The following GPC5 variants were observed in gnomAD, a reference collection of about 807,000 sequenced individuals.
The protein encoded by GPC5 is glypican-5.
In GPC5, 47 loss-of-function variants were observed where a neutral mutation model predicts 53.9. That is an observed-to-expected ratio of 0.87 (90% confidence interval 0.69 to 1.11). The LOEUF (loss-of-function observed/expected upper bound fraction) is 1.11. GPC5 is among the 50% of genes most tolerant of loss of function. The pLI is 0.00. For synonymous variants in GPC5, 286 were observed against 263.3 expected (o/e 1.09, Z -0.84); for missense variants, 748 against 713.1 (o/e 1.05, Z -0.56).
rs1201094056 is a variant in GPC5 at position 91,908,064 on chromosome 13, C to T, written c.1401+7C>T. ...ACTGAAGCATGTTGTTCAGGTAAGTCCTGATCCTATATTTATTAGTATACT... is the reference window on the plus strand; with the variant it reads ...ACTGAAGCATGTTGTTCAGGTAAGTTCTGATCCTATATTTATTAGTATACT... On this transcript the variant is annotated splice_region_variant and intron_variant, in intron 6 of 7. Coordinates refer to ENST00000377067, the MANE Select transcript of GPC5 (RefSeq NM_004466.6). The T allele has an allele frequency of 6.5e-7, 1 of 1,529,796 alleles. No individual in the cohort carries two copies. The highest frequency in any genetic ancestry group is 1.2e-5 in the South Asian group (1 of 80,996). The allele number at this position is 1,529,796 out of a possible 1,614,324, so 94.8% of individuals were successfully genotyped here. A position where few individuals can be genotyped will look rare whatever the true frequency, so the allele number is the denominator to read the frequency against.
chr13:91,419,688 T>G (rs1878472335), intron 1 of GPC5, among the ~76,000 whole-genome samples: 2 of 152,208 alleles, frequency 1.3e-5, no homozygotes, highest in Non-Finnish European at 2.9e-5. Context: ...ACTATTTCTA[T>G]GCAGTGAGAA....
chr13:92,463,112 T>C (rs1436338016), intron 7 of GPC5, among the ~76,000 whole-genome samples: 1 of 152,154 alleles, frequency 6.6e-6, no homozygotes, highest in African/African-American at 2.4e-5. Flanking sequence ...AGGATAGGGC[T>C]TCACCAGAAC....
intron 7 of GPC5, among the ~76,000 whole-genome samples, chr13:92,835,640 T>C (rs1878195584): frequency 1.3e-5 from 2 of 152,160 alleles, no homozygotes; most frequent in East Asian, 1.9e-4. Flanking sequence ...CTGTGTAACA[T>C]ATTGCAACAA....
At chr13:92,399,108 C>T (rs778161678) in intron 7 of GPC5, among the ~76,000 whole-genome samples, 6 of 152,196 alleles carry the variant, frequency 3.9e-5, no homozygotes, top group Non-Finnish European at 8.8e-5. Context: ...CATTCACATT[C>T]AATATGCTTC....
rs199891516 is a variant in GPC5, at chr13:91,576,265, C to CA, written c.326-116914dup. On this transcript the variant is annotated intron_variant, in intron 2 of 7. Transcript: ENST00000377067. ...GGGTAGATTTTAAGTGTTCTTATCA[C>CA]AAAAAAAATGATTAATACATATGTT... Among the ~76,000 whole-genome samples, 243 of 149,728 alleles carry CA rather than the reference C, an allele frequency of 1.6e-3. 1 individual carries two copies. Among genetic ancestry groups the CA allele is most frequent in the African/African-American group, 5.1e-3 (208 of 40,884 alleles).
At chr13:91,683,082 C>A (rs183908589) in intron 2 of GPC5, among the ~76,000 whole-genome samples, 18 of 151,066 alleles carry the variant, frequency 1.2e-4, no homozygotes, top group African/African-American at 3.6e-4. Flanking sequence ...TGGAGGATCG[C>A]GAGATGGGGT....
intron 6 of GPC5, among the ~76,000 whole-genome samples, chr13:91,923,704 A>G (rs1165192829): frequency 6.6e-6 from 1 of 152,164 alleles, no homozygotes; most frequent in Admixed American, 6.5e-5. Context: ...ATACCTATCT[A>G]CTATCATGTC....
chr13:91,775,703 G>A (rs1056204264), intron 5 of GPC5, among the ~76,000 whole-genome samples: 1 of 152,060 alleles, frequency 6.6e-6, no homozygotes, highest in African/African-American at 2.4e-5. Flanking sequence ...TTCTTTCTCT[G>A]GCATCCCTTA....
At chr13:91,913,584 A>G (rs546995600) in intron 6 of GPC5, among the ~76,000 whole-genome samples, 1 of 152,270 alleles carries the variant, frequency 6.6e-6, no homozygotes, top group African/African-American at 2.4e-5. Context: ...CCTGTGGGCT[A>G]TAGCTTGGTC....
At chr13:91,868,427 C>A (rs1008334247) in intron 5 of GPC5, among the ~76,000 whole-genome samples, 1 of 152,142 alleles carries the variant, frequency 6.6e-6, no homozygotes, top group Non-Finnish European at 1.5e-5. Flanking sequence ...GGAGACAAGG[C>A]TGGGCATGGT....
At chr13:92,068,716 A>G (rs2041186294) in intron 6 of GPC5, among the ~76,000 whole-genome samples, 1 of 151,604 alleles carries the variant, frequency 6.6e-6, no homozygotes, top group Admixed American at 6.6e-5. Context: ...CATATTGTTA[A>G]TATAGTTAAT....
chr13:92,776,189 T>C (rs939957171), intron 7 of GPC5, among the ~76,000 whole-genome samples: 1 of 152,224 alleles, frequency 6.6e-6, no homozygotes, highest in Admixed American at 6.5e-5. Context: ...GTCACTTGCA[T>C]TTCTTGGCTC....
chr13:92,571,887 A>G (rs1419486184), intron 7 of GPC5, among the ~76,000 whole-genome samples: 9 of 152,060 alleles, frequency 5.9e-5, no homozygotes, highest in African/African-American at 1.9e-4. Context: ...AAAACTAGAA[A>G]AATTAAATGA....
intron 7 of GPC5, among the ~76,000 whole-genome samples, chr13:92,527,219 AAGAAAG>A (rs1881367155): frequency 4.8e-5 from 2 of 41,842 alleles, no homozygotes; most frequent in Non-Finnish European, 7.8e-5. Flanking sequence ...GAAAGAAAGA[AAGAAAG>A]AAAGAAAGAA....
intron 7 of GPC5, among the ~76,000 whole-genome samples, chr13:92,852,401 T>C (rs1249760753): frequency 6.6e-6 from 1 of 151,868 alleles, no homozygotes; most frequent in African/African-American, 2.4e-5. Flanking sequence ...GATTTGGGGG[T>C]TCAAATCACT....
chr13:92,359,792 A>G (rs1290721591), intron 7 of GPC5, among the ~76,000 whole-genome samples: 1 of 151,712 alleles, frequency 6.6e-6, no homozygotes, highest in Non-Finnish European at 1.5e-5. Context: ...TATCACGAGA[A>G]CAGCAAGGAA....
At chr13:92,452,020 C>T (rs1012478727) in intron 7 of GPC5, among the ~76,000 whole-genome samples, 1 of 151,884 alleles carries the variant, frequency 6.6e-6, no homozygotes, top group African/African-American at 2.4e-5. Context: ...TGGGAGCAAC[C>T]CAGAAAAACG....
chr13:92,051,199 CTTTTTTTT>C (rs72346282), intron 6 of GPC5, among the ~76,000 whole-genome samples: 5 of 73,912 alleles, frequency 6.8e-5, no homozygotes, highest in Admixed American at 1.6e-4. Flanking sequence ...TCATTTTTTT[CTTTTTTTT>C]TTTTTTTTTT....
intron 7 of GPC5, among the ~76,000 whole-genome samples, chr13:92,322,180 T>C (rs1361676939): frequency 6.6e-6 from 1 of 151,990 alleles, no homozygotes; most frequent in Admixed American, 6.6e-5. Flanking sequence ...GTTAAATAAC[T>C]TGTACAGGTC....
Sources: allele counts gnomAD v4.1 joint callset (sites outside exome capture counted in the v4.1 genomes callset), GRCh38; gene constraint gnomAD v4.1.1; transcripts MANE v1.5; gene names NCBI Gene and HGNC (gene_info 2026-07-23, HGNC 2026-07-21).